Variants in RRM2 observed in about 807,000 individuals in gnomAD.
RRM2 encodes the protein ribonucleotide reductase regulatory subunit M2.
RRM2 carries 6 observed loss-of-function variants against 45.9 expected under a neutral mutation model. The ratio of observed to expected loss-of-function variants is 0.13; its 90% confidence interval spans 0.07 to 0.26. The LOEUF (loss-of-function observed/expected upper bound fraction) is 0.26, where lower values mean the gene tolerates loss of function less well. Ranked by LOEUF, RRM2 falls within the 10% of genes least tolerant of loss-of-function variation. The probability of loss-of-function intolerance (pLI) is 1.00; values close to 1 mark genes in which losing one functional copy is unlikely to be tolerated. For missense variants in RRM2, 343 were observed against 489.5 expected (o/e 0.70, Z 2.82); for synonymous variants, 177 against 173.0 (o/e 1.02, Z -0.18).
chr2:10,193,222 G>T (rs1277546483), intron 3 of RRM2, among the ~76,000 whole-genome samples: 1 of 152,180 alleles, frequency 6.6e-6, no homozygotes, highest in East Asian at 1.9e-4. Flanking sequence ...TGACTCACTT[G>T]CCCTTTAATG....
At chr2:10,188,268 C>G (rs1664212937) in intron 3 of RRM2, among the ~76,000 whole-genome samples, 1 of 152,134 alleles carries the variant, frequency 6.6e-6, no homozygotes, top group Non-Finnish European at 1.5e-5. Context: ...TAGCAGAAGG[C>G]CACAGAATGG....
intron 3 of RRM2, among the ~76,000 whole-genome samples, chr2:10,144,242 C>T (rs1206171115): frequency 6.6e-6 from 1 of 152,188 alleles, no homozygotes; most frequent in Non-Finnish European, 1.5e-5. Context: ...GAGGAGGTGG[C>T]AGCAGGAGCC....
intron 4 of RRM2, 117 bp from the exon 5 acceptor site, chr2:10,124,600 A>T (rs1662742309): frequency 8.9e-7 from 1 of 1,118,512 alleles, no homozygotes; most frequent in African/African-American, 1.6e-5. Context: ...AATTGGATGA[A>T]ATATATATAG....
chr2:10,184,492 G>A (rs945603360), intron 3 of RRM2, among the ~76,000 whole-genome samples: 2 of 152,264 alleles, frequency 1.3e-5, no homozygotes, highest in Admixed American at 6.5e-5. Context: ...GAGGCCCTGA[G>A]TCCTGGGCAA....
chr2:10,169,319 G>C lies in RRM2; in HGVS notation n.482+26944G>C, dbSNP rs1663747069. ...TCCCAAGTTGAAGCACCCCCTTCAG[G>C]TGTAGTTTTAGACGTGCAACATGAG... On this transcript the variant is annotated intron_variant and non_coding_transcript_variant, in intron 3 of 3. Coordinates refer to the RRM2 transcript ENST00000381786. This position sits in a 1 kb window ranked among gnomAD's most constrained non-coding sequence, Gnocchi z 5.1. 6.6e-6 allele frequency among the ~76,000 whole-genome samples: 1 copy of C among 152,036 alleles called. No individual in the cohort carries two copies. Among genetic ancestry groups the C allele is most frequent in the Non-Finnish European group, 1.5e-5 (1 of 68,016 alleles).
chr2:10,149,078 G>A (rs1222753693), intron 3 of RRM2, among the ~76,000 whole-genome samples: 1 of 151,500 alleles, frequency 6.6e-6, no homozygotes, highest in Non-Finnish European at 1.5e-5. Flanking sequence ...TTCCCCCTGA[G>A]CTCTCATATC....
At chr2:10,208,952 G>C (rs913345143) in intron 3 of RRM2, among the ~76,000 whole-genome samples, 1 of 151,904 alleles carries the variant, frequency 6.6e-6, no homozygotes, top group Non-Finnish European at 1.5e-5. Context: ...CCACGTGCTG[G>C]ATCCTGCCTG....
chr2:10,199,800 A>AAAAAAAAAAAAAAAAAC lies in RRM2; in HGVS notation n.483-10502_483-10501insAAAAAAACAAAAAAAAA, dbSNP rs1572534126. 5.6e-3 allele frequency among the ~76,000 whole-genome samples: 551 copies of AAAAAAAAAAAAAAAAAC among 97,834 alleles called. 72 individuals carry two copies. Among genetic ancestry groups the AAAAAAAAAAAAAAAAAC allele is most frequent in the Middle Eastern group, 0.015 (3 of 206 alleles). 64.2% of individuals were successfully genotyped at this position (97,834 alleles called of 152,430 possible). On this transcript the variant is annotated intron_variant and non_coding_transcript_variant, in intron 3 of 3. Coordinates refer to the RRM2 transcript ENST00000381786. Reference sequence around the variant, plus strand: ...GTCTCAAAAAAAAAAAAAAAAAAAAAAAAAAAAAACAAATCATGGTATGAC... The same window carrying AAAAAAAAAAAAAAAAAC: ...GTCTCAAAAAAAAAAAAAAAAAAAAAAAAAAAAAAAAAAAAACAAAAAAAAACAAATCATGGTATGAC...
chr2:10,206,017 C>T (rs529889980), intron 3 of RRM2, among the ~76,000 whole-genome samples: 29 of 152,042 alleles, frequency 1.9e-4, no homozygotes, highest in African/African-American at 6.0e-4. Flanking sequence ...GAGGCCGAAG[C>T]GGGAGGATCA....
chr2:10,164,738 G>A (rs1439571140), intron 3 of RRM2, among the ~76,000 whole-genome samples: 7 of 152,194 alleles, frequency 4.6e-5, no homozygotes, highest in African/African-American at 7.2e-5. Flanking sequence ...CTATCTGGGC[G>A]GCCAGGGCCC....
rs367583556 is a variant in RRM2, at chr2:10,142,799, G to C, written n.482+424G>C. Among the ~76,000 whole-genome samples, 14 of 152,324 alleles carry C rather than the reference G, an allele frequency of 9.2e-5. 1 individual carries two copies. Among genetic ancestry groups the C allele is most frequent in the Admixed American group, 5.9e-4 (9 of 15,304 alleles). The stretch of plus-strand genomic sequence containing the variant: ...TCCCCTCACCGCAGCTCTCGGCCCT[G>C]CCTGAGCCCAGGTGCCCGCGGGCTC... On this transcript the variant is annotated intron_variant and non_coding_transcript_variant, in intron 3 of 3. Transcript: ENST00000381786.
At chr2:10,141,033 G>A (rs1249305812), upstream of RRM2, among the ~76,000 whole-genome samples, 21 of 152,090 alleles carry the variant, frequency 1.4e-4, no homozygotes, top group Admixed American at 9.2e-4. Flanking sequence ...GCTGCATCTC[G>A]CCCACGTCGC....
chr2:10,150,168 C>T (rs1452672572), intron 3 of RRM2, among the ~76,000 whole-genome samples: 1 of 152,000 alleles, frequency 6.6e-6, no homozygotes, highest in African/African-American at 2.4e-5. Flanking sequence ...ACAAAATTAG[C>T]CGGGCGTGGT....
rs115606116 is a variant in RRM2 at position 10,195,468 on chromosome 2, C to T, written n.483-14843C>T. Among the ~76,000 whole-genome samples the T allele has an allele frequency of 9.6e-3, 1,462 of 152,228 alleles. 21 individuals carry two copies. The highest frequency in any genetic ancestry group is 0.033 in the African/African-American group (1,378 of 41,518). On this transcript the variant is annotated intron_variant and non_coding_transcript_variant, in intron 3 of 3. Transcript: ENST00000381786. This position sits in a 1 kb window ranked among gnomAD's most constrained non-coding sequence, Gnocchi z 4.9. The stretch of plus-strand genomic sequence containing the variant: ...CACCGGAGCCAGCAGCAGGAGCATG[C>T]GGGGGAGACCTTGGCCCAGCCCTGC...
chr2:10,183,445 G>A (rs1664101765), intron 3 of RRM2, among the ~76,000 whole-genome samples: 1 of 152,232 alleles, frequency 6.6e-6, no homozygotes, highest in South Asian at 2.1e-4. Flanking sequence ...AGAGCCCTTT[G>A]GGCCAGCCCG....
intron 3 of RRM2, among the ~76,000 whole-genome samples, chr2:10,161,131 T>C (rs1389179988): frequency 6.6e-6 from 1 of 152,138 alleles, no homozygotes; most frequent in East Asian, 1.9e-4. Flanking sequence ...GTGCGTGATC[T>C]CAGCTCACTG....
chr2:10,157,385 T>G (rs186775909), intron 3 of RRM2, among the ~76,000 whole-genome samples: 1 of 152,302 alleles, frequency 6.6e-6, no homozygotes, highest in East Asian at 1.9e-4. Flanking sequence ...GCACACATCA[T>G]AAGAGCACAG....
rs1018050978 is a variant in RRM2, at chr2:10,127,999, T to C, written c.798+779T>C. On this transcript the variant is annotated intron_variant, in intron 7 of 9. Transcript: ENST00000304567. The surrounding 1 kb of genome is among the most constrained non-coding windows in gnomAD (Gnocchi z 4.1). ...GGCTAACACGGTGAAACCCCATCTCTACTAAAAATACAAAAAATTAGCCGG... is the reference window on the plus strand; with the variant it reads ...GGCTAACACGGTGAAACCCCATCTCCACTAAAAATACAAAAAATTAGCCGG... Among the ~76,000 whole-genome samples, 10 of 151,808 alleles carry C rather than the reference T, an allele frequency of 6.6e-5. No individual in the cohort carries two copies. The highest frequency in any genetic ancestry group is 2.4e-4 in the African/African-American group (10 of 41,344).
intron 3 of RRM2, among the ~76,000 whole-genome samples, chr2:10,152,806 CT>C (rs1323027060): frequency 6.6e-6 from 1 of 151,826 alleles, no homozygotes; most frequent in Non-Finnish European, 1.5e-5. Flanking sequence ...CTTAAGAAAT[CT>C]TTCCCTGTGG....
Sources: gnomAD v4.1 joint callset for allele counts (sites outside exome capture counted in the v4.1 genomes callset) on GRCh38, gnomAD v4.1.1 for gene constraint, Gnocchi (gnomAD v3.1) non-coding constraint, MANE v1.5 for transcripts, NCBI Gene and HGNC (gene_info 2026-07-23, HGNC 2026-07-21) for gene names.